LPCAT1: variants seen among roughly 807,000 people sequenced by gnomAD.
LPCAT1 encodes the protein lysophosphatidylcholine acyltransferase 1.
Under a neutral mutation model 60.9 loss-of-function variants are expected in LPCAT1, and 23 were observed. That is an observed-to-expected ratio of 0.38 (90% CI 0.27 to 0.53). The LOEUF (loss-of-function observed/expected upper bound fraction) is 0.53, where lower values mean the gene tolerates loss of function less well. Ranked by LOEUF, LPCAT1 falls within the 20% of genes least tolerant of loss-of-function variation. The pLI, the probability that LPCAT1 is intolerant of heterozygous loss-of-function variation, is 0.82. For synonymous variants in LPCAT1, 340 were observed against 301.1 expected, an observed-to-expected ratio of 1.13 and a Z score of -1.34; for missense variants, 622 against 723.6, an observed-to-expected ratio of 0.86 and a Z score of 1.61.
In LPCAT1 at chr5:1,489,776, T is replaced by C; in HGVS notation, c.576A>G (p.Arg192=). ...GCCACTTTCCGTTGGACTGCGCCCG[T>C]CTCTTGATTTCTTCTACTGTTTTCC... is the stretch of plus-strand genomic sequence containing the variant. ...SRRKTVEEIK[R]RAQSNGKWPQ... Residue 192 remains arginine, a synonymous_variant, in exon 4 of 14, where the codon AGA becomes AGG. Coordinates refer to ENST00000283415, the MANE Select transcript of LPCAT1 (RefSeq NM_024830.5). 1 of 1,614,038 alleles carries C rather than the reference T, an allele frequency of 6.2e-7. No homozygotes were observed. The highest frequency in any genetic ancestry group is 1.3e-5 in the African/African-American group (1 of 75,050).
At chr5:1,466,699 C>T in intron 13 of LPCAT1, 50 bp downstream of exon 13, 1 of 1,577,166 alleles carries the variant, frequency 6.3e-7, no homozygotes, top group Non-Finnish European at 8.6e-7. Flanking sequence ...CACACTCTGT[C>T]CAGCCCCCGC....
intron 12 of LPCAT1, among the ~76,000 whole-genome samples, chr5:1,470,448 G>A (rs1180065141): frequency 6.6e-6 from 1 of 152,178 alleles, no homozygotes; most frequent in Admixed American, 6.5e-5. Flanking sequence ...AGCTGAGGTG[G>A]GCAGCTCCTA....
intron 5 of LPCAT1, among the ~76,000 whole-genome samples, chr5:1,486,672 TCACGCAC>T (rs1039687271): frequency 3.4e-4 from 52 of 151,928 alleles, no homozygotes; most frequent in African/African-American, 1.2e-3. Context: ...GGCGTCAGGA[TCACGCAC>T]CACACACCAA....
Position 1,477,364 on chromosome 5 carries a change from A to C in LPCAT1, c.899+40T>G, listed in dbSNP as rs773743743. 6.5e-7 allele frequency: 1 copy of C among 1,536,978 alleles called. No homozygotes were observed. The highest frequency in any genetic ancestry group is 1.1e-5 in the South Asian group (1 of 89,314). On this transcript the variant is annotated intron_variant, in intron 9 of 13. Transcript: ENST00000283415. The surrounding 1 kb of genome is among the most constrained non-coding windows in gnomAD (Gnocchi z 6.0). ...TACAGAGAGCAGCACTCTGGGAGAC[A>C]CCCCTGACTCGGCGATGGGGGAAGG...
At position 1,521,119 on chromosome 5, in the gene LPCAT1, G is replaced by A. The variant is rs563210916; in HGVS notation, c.135+2591C>T. 2.0e-5 allele frequency among the ~76,000 whole-genome samples: 3 copies of A among 152,174 alleles called. No individual in the cohort carries two copies. Among genetic ancestry groups the A allele is most frequent in the Non-Finnish European group, 4.4e-5 (3 of 68,026 alleles). On this transcript the variant is annotated intron_variant, in intron 1 of 13. Transcript: ENST00000283415. The surrounding 1 kb of genome is among the most constrained non-coding windows in gnomAD (Gnocchi z 4.3). ...AATCTATATCCTTGCTTTAGCCAGAGGATTAAAACATTGCACGTATTACAG... is the reference window on the plus strand; with the variant it reads ...AATCTATATCCTTGCTTTAGCCAGAAGATTAAAACATTGCACGTATTACAG...
In LPCAT1 at chr5:1,474,778, G is replaced by A. The variant is rs1011985472; in HGVS notation, c.900-93C>T. ...TAACCGCCGATGGCTCAGGGGAGAG[G>A]AGGGCTGAGGAGAGGCAGTGAGACA... On this transcript the variant is annotated intron_variant, in intron 9 of 13. Coordinates refer to ENST00000283415, the MANE Select transcript of LPCAT1 (RefSeq NM_024830.5). 1.3e-5 allele frequency: 19 copies of A among 1,467,814 alleles called. No homozygotes were observed. The African/African-American group carries it at 2.7e-4, about 21-fold the overall frequency. The allele number at this position is 1,467,814 out of a possible 1,614,324, so 90.9% of individuals were successfully genotyped here.
chr5:1,520,487 C>T (rs1020391043), intron 1 of LPCAT1, among the ~76,000 whole-genome samples: 1 of 152,162 alleles, frequency 6.6e-6, no homozygotes, highest in Non-Finnish European at 1.5e-5. Context: ...GACTCAGCTC[C>T]AAGGTGCACA....
intron 12 of LPCAT1, 22 bp from the exon 13 acceptor site, chr5:1,466,912 A>C: frequency 6.5e-7 from 1 of 1,540,704 alleles, no homozygotes; most frequent in Non-Finnish European, 8.8e-7. Context: ...ACTGGGTGTC[A>C]CCTTGCAGCC....
intron 2 of LPCAT1, among the ~76,000 whole-genome samples, chr5:1,498,647 TACAC>T (rs200466469): frequency 2.7e-5 from 4 of 146,868 alleles, no homozygotes; most frequent in Non-Finnish European, 6.1e-5. Flanking sequence ...CACATACATG[TACAC>T]AGAGACACAA....
At chr5:1,494,605 C>A in intron 3 of LPCAT1, 95 bp downstream of exon 3, 1 of 1,204,232 alleles carries the variant, frequency 8.3e-7, no homozygotes, top group Non-Finnish European at 1.2e-6. Flanking sequence ...CCCTCACTCC[C>A]AGCAGGAGGG....
At chr5:1,485,519 C>T (rs1735337633) in intron 5 of LPCAT1, among the ~76,000 whole-genome samples, 1 of 152,202 alleles carries the variant, frequency 6.6e-6, no homozygotes, top group African/African-American at 2.4e-5. Context: ...ATAGCTTGTG[C>T]TGGGCATGGG....
At chr5:1,489,291 A>T (rs1394633347) in intron 4 of LPCAT1, among the ~76,000 whole-genome samples, 2 of 152,246 alleles carry the variant, frequency 1.3e-5, no homozygotes, top group Non-Finnish European at 2.9e-5. Flanking sequence ...AGCTGGAAAG[A>T]AGAAAAACAG....
intron 1 of LPCAT1, among the ~76,000 whole-genome samples, chr5:1,505,667 C>T (rs572352906): frequency 3.4e-4 from 52 of 152,336 alleles, no homozygotes; most frequent in African/African-American, 1.2e-3. Flanking sequence ...CGCACCCCCA[C>T]GCCTGCTCCT....
Position 1,507,324 on chromosome 5 carries a change from T to C in LPCAT1, c.136-5721A>G, listed in dbSNP as rs550251230. ...ATGCCAGTTGGAGGAAGCAATATGG[T>C]CACCCTGTGTGAGCCATAAGTGAGG... On this transcript the variant is annotated intron_variant, in intron 1 of 13. Coordinates refer to ENST00000283415, the MANE Select transcript of LPCAT1 (RefSeq NM_024830.5). 7.9e-5 allele frequency among the ~76,000 whole-genome samples: 12 copies of C among 152,294 alleles called. No homozygotes were observed. The South Asian group carries it at 2.3e-3, about 29-fold the overall frequency.
rs1257365724 is a variant in LPCAT1, at chr5:1,495,702, T to A, written c.279-788A>T. Among the ~76,000 whole-genome samples, 1 of 152,152 alleles carries A rather than the reference T, an allele frequency of 6.6e-6. No individual in the cohort carries two copies. The highest frequency in any genetic ancestry group is 1.5e-5 in the Non-Finnish European group (1 of 68,026). On this transcript the variant is annotated intron_variant, in intron 2 of 13. Coordinates refer to ENST00000283415, the MANE Select transcript of LPCAT1 (RefSeq NM_024830.5). The surrounding 1 kb of genome is among the most constrained non-coding windows in gnomAD (Gnocchi z 4.7). ...GGCACACAGAGAACATGATTCAGCC[T>A]CATGAGAAGCCACGGCTCACTCGGC...
chr5:1,509,997 A>C (rs914948731), intron 1 of LPCAT1, among the ~76,000 whole-genome samples: 5 of 152,138 alleles, frequency 3.3e-5, no homozygotes, highest in Non-Finnish European at 7.4e-5. Flanking sequence ...GGAACATTTT[A>C]TGTTTACTGG....
chr5:1,488,052 C>T (rs1444952652), intron 5 of LPCAT1, among the ~76,000 whole-genome samples: 3 of 152,136 alleles, frequency 2.0e-5, no homozygotes, highest in African/African-American at 7.2e-5. Flanking sequence ...GCGTGAGCTG[C>T]AGGCCAAGAA....
intron 5 of LPCAT1, among the ~76,000 whole-genome samples, chr5:1,484,300 G>A (rs374993230): frequency 8.5e-5 from 13 of 152,388 alleles, no homozygotes; most frequent in South Asian, 4.1e-4. Context: ...CTCACTGGCC[G>A]GAGTTGTGCC....
In LPCAT1 at chr5:1,484,249, C is replaced by A. The variant is rs1735286529; in HGVS notation, c.668-763G>T. ...GCAGAGGCTCAGGAACTTCCCCGTT[C>A]CCACTGGAATTGTGGCTGTACCCAG... On this transcript the variant is annotated intron_variant, in intron 5 of 13. Transcript: ENST00000283415. Among the ~76,000 whole-genome samples the A allele has an allele frequency of 7.2e-5, 11 of 152,390 alleles. No homozygotes were observed. In the South Asian group the frequency reaches 2.3e-3, roughly 32 times the overall value.
Sources: gnomAD v4.1 joint callset for allele counts (sites outside exome capture counted in the v4.1 genomes callset) on GRCh38, gnomAD v4.1.1 for gene constraint, Gnocchi (gnomAD v3.1) non-coding constraint, MANE v1.5 for transcripts, NCBI Gene and HGNC (gene_info 2026-07-23, HGNC 2026-07-21) for gene names.